LMOD1: variants seen among roughly 807,000 people sequenced by gnomAD.
LMOD1 encodes the protein leiomodin 1, also known as leiomodin-1.
LMOD1 carries 8 observed loss-of-function variants against 36.5 expected under a neutral mutation model. The observed-to-expected ratio is 0.22, with a 90% confidence interval of 0.13 to 0.40. The LOEUF is 0.40. Among genes scored for constraint, LMOD1 ranks in the 10% least tolerant of loss-of-function variants. The pLI is 1.00. For synonymous variants in LMOD1, 284 were observed against 288.7 expected (o/e 0.98, Z 0.17); for missense variants, 630 against 751.1 (o/e 0.84, Z 1.88).
intron 1 of LMOD1, among the ~76,000 whole-genome samples, chr1:201,936,814 C>A (rs1380987691): frequency 6.6e-6 from 1 of 152,076 alleles, no homozygotes; most frequent in African/African-American, 2.4e-5. Flanking sequence ...GTGGCAGACA[C>A]CTGTAATCCC....
intron 1 of LMOD1, among the ~76,000 whole-genome samples, chr1:201,903,385 G>T (rs1283708249): frequency 6.6e-6 from 1 of 152,172 alleles, no homozygotes; most frequent in African/African-American, 2.4e-5. Context: ...GCCCCACTGG[G>T]GCTATGGTGA....
chr1:201,943,226 G>A (rs1195975635), intron 1 of LMOD1, among the ~76,000 whole-genome samples: 1 of 152,220 alleles, frequency 6.6e-6, no homozygotes, highest in Non-Finnish European at 1.5e-5. Context: ...CCCTAGTATG[G>A]CAGAGAGGAA....
intron 1 of LMOD1, among the ~76,000 whole-genome samples, chr1:201,904,550 A>C (rs543951772): frequency 6.6e-6 from 1 of 152,096 alleles, no homozygotes; most frequent in African/African-American, 2.4e-5. Flanking sequence ...GCACATCCTG[A>C]CTTCTCCCCT....
At chr1:201,902,417 CT>C (rs1681346024) in intron 1 of LMOD1, among the ~76,000 whole-genome samples, 1 of 151,046 alleles carries the variant, frequency 6.6e-6, no homozygotes, top group Admixed American at 6.6e-5. Flanking sequence ...GTCAGTTGAG[CT>C]GTGATGGGGG....
chr1:201,929,367 C>G (rs866046696), intron 1 of LMOD1, among the ~76,000 whole-genome samples: 3 of 152,132 alleles, frequency 2.0e-5, no homozygotes, highest in Admixed American at 6.6e-5. Context: ...CAGGCATGAG[C>G]CACCACGCCT....
chr1:201,909,157 C>A (rs1681453379), intron 1 of LMOD1, among the ~76,000 whole-genome samples: 1 of 152,160 alleles, frequency 6.6e-6, no homozygotes. Flanking sequence ...TCCCAGATGC[C>A]CATACTGCTC....
At chr1:201,922,136 G>A (rs1475321021) in intron 1 of LMOD1, among the ~76,000 whole-genome samples, 1 of 152,158 alleles carries the variant, frequency 6.6e-6, no homozygotes, top group Non-Finnish European at 1.5e-5. Context: ...CTTGTATGTT[G>A]CTGGTAAGAT....
chr1:201,907,013 A>G (rs918230501), intron 1 of LMOD1, among the ~76,000 whole-genome samples: 2 of 152,224 alleles, frequency 1.3e-5, no homozygotes, highest in Non-Finnish European at 2.9e-5. Context: ...GGAGTCCTCT[A>G]CTGAGGCTAG....
At chr1:201,902,539 C>T (rs559756030) in intron 1 of LMOD1, among the ~76,000 whole-genome samples, 312 of 152,110 alleles carry the variant, frequency 2.1e-3, no homozygotes, top group Non-Finnish European at 2.6e-3. Flanking sequence ...CTCTGCCTCC[C>T]GGGTTCAAGT....
chr1:201,905,674 A>G (rs952055550), intron 1 of LMOD1, among the ~76,000 whole-genome samples: 12 of 152,086 alleles, frequency 7.9e-5, no homozygotes, highest in African/African-American at 2.7e-4. Flanking sequence ...GTGACCCATC[A>G]CCTGAGGAGG....
rs576044641 is a variant in LMOD1, at chr1:201,920,045, C to CTTTTT, written c.262-19299_262-19295dup. 3.8e-3 allele frequency among the ~76,000 whole-genome samples: 200 copies of CTTTTT among 52,514 alleles called. 10 individuals carry two copies. Among genetic ancestry groups the CTTTTT allele is most frequent in the Non-Finnish European group, 4.9e-3 (133 of 27,372 alleles). The allele number at this position is 52,514 out of a possible 152,430, so 34.5% of individuals were successfully genotyped here. ...TCTCCACCCGCCACTGGCTCTCTCT[C>CTTTTT]TTTTTTTTTTTTTTTTTTTTTTTTT... On this transcript the variant is annotated intron_variant, in intron 1 of 2. Coordinates refer to ENST00000367288, the MANE Select transcript of LMOD1 (RefSeq NM_012134.3).
chr1:201,910,741 A>ATTTTTTTTTTTT, intron 1 of LMOD1, among the ~76,000 whole-genome samples: 1 of 28,268 alleles, frequency 3.5e-5, no homozygotes, highest in Non-Finnish European at 8.1e-5. Context: ...AGATGGTGTC[A>ATTTTTTTTTTTT]TTCTTTTTTT....
chr1:201,919,198 A>G (rs1303099677), intron 1 of LMOD1, among the ~76,000 whole-genome samples: 2 of 141,472 alleles, frequency 1.4e-5, no homozygotes, highest in South Asian at 2.3e-4. Context: ...CTCAGTGTGT[A>G]TCTCTAAAAG....
intron 1 of LMOD1, among the ~76,000 whole-genome samples, chr1:201,927,436 T>C (rs961879532): frequency 1.3e-5 from 2 of 151,934 alleles, no homozygotes; most frequent in Non-Finnish European, 2.9e-5. Flanking sequence ...TGTGGTGGCG[T>C]GTGCCTGTAA....
chr1:201,901,026 G>A (rs1681290966), intron 1 of LMOD1, among the ~76,000 whole-genome samples: 1 of 152,108 alleles, frequency 6.6e-6, no homozygotes, highest in Non-Finnish European at 1.5e-5. Context: ...TTCCTTTTAT[G>A]GAGTATTCTC....
chr1:201,897,178 A>AT lies in LMOD1; in HGVS notation c.*1193_*1194insA. 9.3e-6 allele frequency: 2 copies of AT among 215,824 alleles called. No individual in the cohort carries two copies. The highest frequency in any genetic ancestry group is 9.5e-6 in the Non-Finnish European group (1 of 104,896). The allele number at this position is 215,824 out of a possible 1,614,324, so 13.4% of individuals were successfully genotyped here. ...GGCCCCTCTGAGCCCTAGGGCACAC[A>AT]GATATGGGTGCTATTCTCCAAATAG... On this transcript the variant is annotated 3_prime_UTR_variant, in exon 3 of 3. Transcript: ENST00000367288.
chr1:201,944,153 G>C (rs547603568), intron 1 of LMOD1, among the ~76,000 whole-genome samples: 3 of 152,324 alleles, frequency 2.0e-5, no homozygotes, highest in African/African-American at 4.8e-5. Flanking sequence ...CTTACATCAA[G>C]GATGTACACA....
At chr1:201,941,235 GTAT>G (rs1682110686) in intron 1 of LMOD1, among the ~76,000 whole-genome samples, 1 of 152,162 alleles carries the variant, frequency 6.6e-6, no homozygotes, top group Admixed American at 6.5e-5. Flanking sequence ...GAGATTACAG[GTAT>G]TAGCCATCAC....
rs565070568 is a variant in LMOD1 at position 201,912,752 on chromosome 1, C to T, written c.262-12001G>A. Among the ~76,000 whole-genome samples, 134 of 151,868 alleles carry T rather than the reference C, an allele frequency of 8.8e-4. 1 individual carries two copies. Among genetic ancestry groups the T allele is most frequent in the East Asian group, 3.7e-3 (19 of 5,146 alleles). The stretch of plus-strand genomic sequence containing the variant: ...CGGGCGCCTGTAATCCCAGCTACTC[C>T]GGAGGCTGAGGCAGGAGAATCACTT... On this transcript the variant is annotated intron_variant, in intron 1 of 2. Coordinates refer to ENST00000367288, the MANE Select transcript of LMOD1 (RefSeq NM_012134.3).
Sources: allele counts gnomAD v4.1 joint callset (sites outside exome capture counted in the v4.1 genomes callset), GRCh38; gene constraint gnomAD v4.1.1; transcripts MANE v1.5; gene names NCBI Gene and HGNC (gene_info 2026-07-23, HGNC 2026-07-21).